TSC22D2: variants seen among roughly 807,000 people sequenced by gnomAD.
TSC22D2 encodes TSC22 domain family member 2.
Under a neutral mutation model 50.1 loss-of-function variants are expected in TSC22D2, and 5 were observed. The observed-to-expected ratio is 0.10, with a 90% CI of 0.05 to 0.21. The LOEUF (loss-of-function observed/expected upper bound fraction) is 0.21. TSC22D2 is among the 10% of genes least tolerant of loss of function. The pLI is 1.00. For missense variants in TSC22D2, 1,003 were observed against 1,015.5 expected (o/e 0.99, Z 0.17); for synonymous variants, 501 against 450.1 (o/e 1.11, Z -1.43).
chr3:150,438,538 T>C (rs1720620124), intron 1 of TSC22D2, among the ~76,000 whole-genome samples: 1 of 152,164 alleles, frequency 6.6e-6, no homozygotes, highest in Non-Finnish European at 1.5e-5. Flanking sequence ...GGCCGTATCT[T>C]TGCAGTGGTG....
rs115753863 is a variant in TSC22D2 at position 150,455,182 on chromosome 3, T to A, written c.1959-1894T>A. 3.7e-3 allele frequency among the ~76,000 whole-genome samples: 570 copies of A among 152,338 alleles called. 5 individuals are homozygous for A. The highest frequency in any genetic ancestry group is 0.013 in the African/African-American group (543 of 41,576). Reference sequence around the variant, plus strand: ...TCTGGGATTCCCAAGCAAACTAATTTAAATGCCTGTCACCGTCTTTTTTGC... The same window carrying A: ...TCTGGGATTCCCAAGCAAACTAATTAAAATGCCTGTCACCGTCTTTTTTGC... On this transcript the variant is annotated intron_variant, in intron 1 of 2. Coordinates refer to ENST00000688009, the MANE Select transcript of TSC22D2 (RefSeq NM_001303264.2).
chr3:150,453,598 T>A (rs944439313), intron 1 of TSC22D2, among the ~76,000 whole-genome samples: 1 of 152,170 alleles, frequency 6.6e-6, no homozygotes, highest in Non-Finnish European at 1.5e-5. Flanking sequence ...ATATTTACAT[T>A]TCTAACAAGG....
At chr3:150,450,549 G>A (rs6792734) in intron 1 of TSC22D2, among the ~76,000 whole-genome samples, 1 of 151,474 alleles carries the variant, frequency 6.6e-6, no homozygotes, top group Non-Finnish European at 1.5e-5. Flanking sequence ...TGAGTTCTTA[G>A]TTTAATTTAT....
chr3:150,453,730 C>T (rs750496874), intron 1 of TSC22D2, among the ~76,000 whole-genome samples: 6 of 152,204 alleles, frequency 3.9e-5, no homozygotes, highest in Non-Finnish European at 8.8e-5. Context: ...ATGCCTTCCT[C>T]ATATGAACCA....
At chr3:150,456,308 C>G (rs1341629093) in intron 1 of TSC22D2, among the ~76,000 whole-genome samples, 1 of 151,798 alleles carries the variant, frequency 6.6e-6, no homozygotes, top group African/African-American at 2.4e-5. Flanking sequence ...TTGCCTCAGC[C>G]TCCTGAGTAG....
At chr3:150,455,776 T>C (rs1721166784) in intron 1 of TSC22D2, among the ~76,000 whole-genome samples, 1 of 152,226 alleles carries the variant, frequency 6.6e-6, no homozygotes, top group Non-Finnish European at 1.5e-5. Flanking sequence ...TGGAGTATAC[T>C]TTATGAAGAA....
intron 1 of TSC22D2, among the ~76,000 whole-genome samples, chr3:150,450,082 A>G (rs959782829): frequency 1.4e-4 from 22 of 152,126 alleles, no homozygotes; most frequent in African/African-American, 5.1e-4. Context: ...AGATGATAAG[A>G]CTGACTCTAG....
chr3:150,420,615 TACAA>T (rs1401754435), intron 1 of TSC22D2, among the ~76,000 whole-genome samples: 2 of 152,262 alleles, frequency 1.3e-5, no homozygotes, highest in Non-Finnish European at 2.9e-5. Context: ...TACTACTAAC[TACAA>T]ATATGTTCGT....
At chr3:150,448,755 C>G (rs988557742) in intron 1 of TSC22D2, among the ~76,000 whole-genome samples, 14 of 151,504 alleles carry the variant, frequency 9.2e-5, no homozygotes, top group African/African-American at 3.4e-4. Context: ...AATGGCTCTA[C>G]AAGAAAAAAG....
intron 1 of TSC22D2, among the ~76,000 whole-genome samples, chr3:150,454,296 A>G (rs893152209): frequency 1.3e-5 from 2 of 152,210 alleles, no homozygotes; most frequent in Non-Finnish European, 2.9e-5. Flanking sequence ...CCGAGAGAAC[A>G]TATGTTCCAC....
At chr3:150,442,917 T>C (rs1720764441) in intron 1 of TSC22D2, among the ~76,000 whole-genome samples, 1 of 152,204 alleles carries the variant, frequency 6.6e-6, no homozygotes, top group Non-Finnish European at 1.5e-5. Flanking sequence ...CATTCCAACC[T>C]GGAAGACAGC....
At chr3:150,433,853 T>C (rs1720452005) in intron 1 of TSC22D2, among the ~76,000 whole-genome samples, 1 of 152,176 alleles carries the variant, frequency 6.6e-6, no homozygotes, top group African/African-American at 2.4e-5. Flanking sequence ...GGTGGACAGA[T>C]TGCTTGAGCT....
intron 1 of TSC22D2, among the ~76,000 whole-genome samples, chr3:150,452,289 T>C (rs963907131): frequency 7.2e-5 from 11 of 151,802 alleles, no homozygotes; most frequent in African/African-American, 2.7e-4. Flanking sequence ...CCACTAAAAA[T>C]ACAAAATTAG....
intron 1 of TSC22D2, among the ~76,000 whole-genome samples, chr3:150,420,582 G>A (rs562959324): frequency 1.2e-4 from 18 of 152,236 alleles, no homozygotes; most frequent in Admixed American, 2.0e-4. Context: ...TTATTTCACA[G>A]GTTCTTTCCA....
chr3:150,414,845 A>T (rs1719740727), intron 1 of TSC22D2, among the ~76,000 whole-genome samples: 1 of 151,536 alleles, frequency 6.6e-6, no homozygotes, highest in South Asian at 2.1e-4. Flanking sequence ...GTCTCTAAAG[A>T]TGGAAATTTC....
chr3:150,410,385 A>G lies in TSC22D2; in HGVS notation c.1035A>G (p.Ala345=). Residue 345 remains alanine, a synonymous_variant, in exon 1 of 3, where the codon GCA becomes GCG. Transcript: ENST00000688009. The part of the protein sequence containing the change: ...AMSLPPQPGP[A]VGAPAAQQPQ... Reference sequence around the variant, plus strand: ...CCCTGCCTCCGCAGCCGGGCCCTGCAGTGGGCGCCCCCGCGGCGCAGCAGC... The same window carrying G: ...CCCTGCCTCCGCAGCCGGGCCCTGCGGTGGGCGCCCCCGCGGCGCAGCAGC... The G allele has an allele frequency of 6.2e-7, 1 of 1,606,084 alleles. No homozygotes were observed. Among genetic ancestry groups the G allele is most frequent in the Non-Finnish European group, 8.5e-7 (1 of 1,177,106 alleles).
chr3:150,448,044 A>G (rs1720936919), intron 1 of TSC22D2, among the ~76,000 whole-genome samples: 1 of 152,162 alleles, frequency 6.6e-6, no homozygotes, highest in Non-Finnish European at 1.5e-5. Context: ...TAAGTACTTC[A>G]ATATCAAGGA....
chr3:150,441,124 C>T (rs561423220), intron 1 of TSC22D2, among the ~76,000 whole-genome samples: 156 of 151,072 alleles, frequency 1.0e-3, no homozygotes, highest in Middle Eastern at 3.5e-3. Context: ...AGTATGTTTG[C>T]CTTTTCAAAA....
intron 1 of TSC22D2, among the ~76,000 whole-genome samples, chr3:150,427,895 T>G (rs1720244005): frequency 6.6e-6 from 1 of 152,092 alleles, no homozygotes; most frequent in Non-Finnish European, 1.5e-5. Context: ...TGCTGAGGCT[T>G]CTTGTATGTC....
Sources: gnomAD v4.1 joint callset for allele counts (sites outside exome capture counted in the v4.1 genomes callset) on GRCh38, gnomAD v4.1.1 for gene constraint, MANE v1.5 for transcripts, NCBI Gene and HGNC (gene_info 2026-07-23, HGNC 2026-07-21) for gene names.